HOMER2: variants seen among roughly 807,000 people sequenced by gnomAD.
HOMER2 encodes homer scaffold protein 2, also known as homer protein homolog 2.
A neutral mutation model predicts 47.0 loss-of-function variants in HOMER2; 27 were observed. That is an observed-to-expected ratio of 0.57 (90% CI 0.42 to 0.79). HOMER2 has a LOEUF of 0.79. Ranked by LOEUF, HOMER2 falls within the 30% of genes least tolerant of loss-of-function variation. The pLI is 0.00. For synonymous variants in HOMER2, 161 were observed against 163.8 expected (o/e 0.98, Z 0.13); for missense variants, 443 against 435.0 (o/e 1.02, Z -0.16).
At chr15:82,871,833 G>A (rs886430797) in intron 3 of HOMER2, among the ~76,000 whole-genome samples, 1 of 152,238 alleles carries the variant, frequency 6.6e-6, no homozygotes, top group African/African-American at 2.4e-5. Flanking sequence ...TGGACAATGT[G>A]TTCTGGTTTT....
At chr15:82,901,066 C>T (rs1882202900) in intron 1 of HOMER2, among the ~76,000 whole-genome samples, 1 of 152,146 alleles carries the variant, frequency 6.6e-6, no homozygotes, top group Non-Finnish European at 1.5e-5. Context: ...TTTGAACATA[C>T]ATTCTCCTAT....
chr15:82,973,401 T>C (rs1446934006), intron 1 of HOMER2, among the ~76,000 whole-genome samples: 1 of 152,218 alleles, frequency 6.6e-6, no homozygotes, highest in East Asian at 1.9e-4. Flanking sequence ...AAGAGAGGGA[T>C]AATATGTAGC....
chr15:82,919,026 G>A (rs1238232069), intron 1 of HOMER2, among the ~76,000 whole-genome samples: 1 of 152,214 alleles, frequency 6.6e-6, no homozygotes, highest in Non-Finnish European at 1.5e-5. Flanking sequence ...AGCCTGCTGA[G>A]AAGGGGATCT....
intron 1 of HOMER2, among the ~76,000 whole-genome samples, chr15:82,916,491 A>G (rs150811224): frequency 6.6e-5 from 10 of 152,260 alleles, no homozygotes; most frequent in African/African-American, 2.2e-4. Context: ...GAATAGGTCT[A>G]TTGCATGCAT....
rs746027391 is a variant in HOMER2, at chr15:82,892,766, C to G, written c.81G>C (p.Ala27=). 1.2e-6 allele frequency: 2 copies of G among 1,606,130 alleles called. No individual in the cohort carries two copies. The highest frequency in any genetic ancestry group is 2.2e-5 in the South Asian group (2 of 89,964). The change falls in exon 2 of 9, where the codon GCG becomes GCC. Residue 27 remains alanine, a synonymous_variant. Transcript: ENST00000450735. ...DPNTKKNWMP[A]SKQAVTVSYF... is the part of the protein sequence containing the mutation. ...AGGAAACGGTGACCGCCTGCTTGCT[C>G]GCAGGCATCCAGTTCTTCTTGGTGT...
intron 1 of HOMER2, among the ~76,000 whole-genome samples, chr15:82,922,943 T>A (rs1296423998): frequency 6.6e-6 from 1 of 152,016 alleles, no homozygotes; most frequent in Non-Finnish European, 1.5e-5. Context: ...CACCCCCAGG[T>A]CAGAATCCTA....
chr15:82,951,809 C>T (rs527757290), intron 1 of HOMER2, among the ~76,000 whole-genome samples: 2 of 152,220 alleles, frequency 1.3e-5, no homozygotes, highest in African/African-American at 2.4e-5. Flanking sequence ...TCAACGTGTG[C>T]CCAAATAGAG....
chr15:82,870,218 G>A (rs1310276385), intron 3 of HOMER2, among the ~76,000 whole-genome samples: 3 of 152,124 alleles, frequency 2.0e-5, no homozygotes, highest in African/African-American at 4.8e-5. Flanking sequence ...AGTTTTTCTG[G>A]AGCAGGAAAT....
intron 1 of HOMER2, among the ~76,000 whole-genome samples, chr15:82,930,951 C>T (rs920013350): frequency 6.6e-6 from 1 of 152,086 alleles, no homozygotes; most frequent in Non-Finnish European, 1.5e-5. Context: ...CACTTGAACC[C>T]GGGAGGCGGA....
intron 1 of HOMER2, among the ~76,000 whole-genome samples, chr15:82,972,430 C>G (rs997934434): frequency 5.3e-5 from 8 of 152,090 alleles, no homozygotes; most frequent in Non-Finnish European, 1.2e-4. Flanking sequence ...TGGAAAGCAC[C>G]CGAGTGGAAA....
chr15:82,876,301 G>A (rs561832117), intron 2 of HOMER2, among the ~76,000 whole-genome samples: 12 of 152,358 alleles, frequency 7.9e-5, no homozygotes, highest in Admixed American at 3.9e-4. Flanking sequence ...GGAAGGGTAA[G>A]AAGATAATAT....
At chr15:82,945,524 A>G (rs922734629) in intron 1 of HOMER2, among the ~76,000 whole-genome samples, 3 of 152,164 alleles carry the variant, frequency 2.0e-5, no homozygotes, top group Admixed American at 2.0e-4. Context: ...AGACATTGAA[A>G]TGCTGATGGA....
chr15:82,970,535 C>T (rs1335363382), intron 1 of HOMER2, among the ~76,000 whole-genome samples: 7 of 152,180 alleles, frequency 4.6e-5, no homozygotes, highest in Non-Finnish European at 1.0e-4. Context: ...TAAATGACAG[C>T]ACTGCTCTTC....
At chr15:82,938,170 G>C (rs565254163) in intron 1 of HOMER2, among the ~76,000 whole-genome samples, 7 of 152,240 alleles carry the variant, frequency 4.6e-5, no homozygotes, top group African/African-American at 1.7e-4. Context: ...TCAGGAGTTT[G>C]AGACCAGCCT....
At chr15:82,976,924 C>A (rs569783429) in intron 1 of HOMER2, among the ~76,000 whole-genome samples, 3 of 152,034 alleles carry the variant, frequency 2.0e-5, no homozygotes, top group Admixed American at 1.3e-4. Context: ...GATCTGCCCC[C>A]CTCGGCCTCC....
chr15:82,978,462 C>A lies in HOMER2; in HGVS notation n.82+7325G>T, dbSNP rs563529121. ...CTGAAAAGGCTGTTTACCAGGTAGA[C>A]CAGAGTGGGGAGGGCACTGCAAACA... On this transcript the variant is annotated intron_variant and non_coding_transcript_variant, in intron 1 of 1. Transcript: ENST00000500334. Among the ~76,000 whole-genome samples, 5 of 152,180 alleles carry A rather than the reference C, an allele frequency of 3.3e-5. No homozygotes were observed. The East Asian group carries it at 5.8e-4, about 18-fold the overall frequency.
intron 1 of HOMER2, among the ~76,000 whole-genome samples, chr15:82,915,527 C>T (rs538518351): frequency 6.6e-5 from 10 of 152,114 alleles, no homozygotes; most frequent in South Asian, 2.1e-4. Context: ...GAGACCCCTT[C>T]GCTACAAAAA....
At chr15:82,896,164 T>C (rs916163036) in intron 1 of HOMER2, among the ~76,000 whole-genome samples, 7 of 151,982 alleles carry the variant, frequency 4.6e-5, no homozygotes, top group African/African-American at 7.3e-5. Flanking sequence ...GAGGCAGAGC[T>C]GTTCTGGTCA....
chr15:82,900,351 A>C (rs189721755), intron 1 of HOMER2, among the ~76,000 whole-genome samples: 9 of 151,724 alleles, frequency 5.9e-5, no homozygotes, highest in African/African-American at 2.2e-4. Flanking sequence ...TGAGGCACAC[A>C]GAAGAAAACT....
Sources: gnomAD v4.1 joint callset for allele counts (sites outside exome capture counted in the v4.1 genomes callset) on GRCh38, gnomAD v4.1.1 for gene constraint, MANE v1.5 for transcripts, NCBI Gene and HGNC (gene_info 2026-07-23, HGNC 2026-07-21) for gene names.